The following PLOD2 variants were observed in gnomAD, a reference collection of about 807,000 sequenced individuals.
The protein encoded by PLOD2 is lysine hydroxylase 2.
Under a neutral mutation model 101.0 loss-of-function variants are expected in PLOD2, and 65 were observed. The observed-to-expected ratio is 0.64, with a 90% CI of 0.53 to 0.79. PLOD2 has a LOEUF of 0.79. Among genes scored for constraint, PLOD2 ranks in the 30% least tolerant of loss-of-function variants. The pLI, the probability that PLOD2 is intolerant of heterozygous loss-of-function variation, is 0.00. For missense variants in PLOD2, 909 were observed against 914.6 expected, an observed-to-expected ratio of 0.99 and a Z score of 0.08; for synonymous variants, 314 against 302.9, an observed-to-expected ratio of 1.04 and a Z score of -0.38.
chr3:146,096,697 T>C (rs77025565), intron 7 of PLOD2, among the ~76,000 whole-genome samples: 59,957 of 129,186 alleles, frequency 0.46, 13,885 homozygotes, highest in East Asian at 0.52. Flanking sequence ...GCAACCACCC[T>C]GTCTGGGAAG....
chr3:146,072,695 A>C lies in PLOD2; in HGVS notation c.1744-30T>G, dbSNP rs542996724. On this transcript the variant is annotated intron_variant, in intron 16 of 19. Transcript: ENST00000282903. ...AAAATATGCATCATCGTTAGAAGAC[A>C]TAATAACTTCTGTGTCTTAATAGTC... 4.6e-6 allele frequency: 6 copies of C among 1,311,638 alleles called. No homozygotes were observed. In the Admixed American group the frequency reaches 8.4e-5, roughly 18 times the overall value. 81.2% of individuals were successfully genotyped at this position (1,311,638 alleles called of 1,614,324 possible).
At chr3:146,131,170 A>G (rs1375966382) in intron 1 of PLOD2, among the ~76,000 whole-genome samples, 2 of 152,228 alleles carry the variant, frequency 1.3e-5, no homozygotes, top group Admixed American at 1.3e-4. Context: ...TGGAGAATTA[A>G]GCAGATCTTG....
At chr3:146,142,292 CTTTTT>C (rs2031560663) in intron 1 of PLOD2, among the ~76,000 whole-genome samples, 1 of 151,804 alleles carries the variant, frequency 6.6e-6, no homozygotes. Context: ...GCAGTGTTTT[CTTTTT>C]TAATAGAAAT....
At position 146,156,778 on chromosome 3, in the gene PLOD2, A is replaced by G. The variant is rs141488151; in HGVS notation, c.109+4103T>C. On this transcript the variant is annotated intron_variant, in intron 1 of 19. Coordinates refer to ENST00000282903, the MANE Select transcript of PLOD2 (RefSeq NM_182943.3). ...TTCTGTTTCTTTCTCATAGGTCCCAAAAGTCCAAGAGAACAATTATGAGGT... is the reference window on the plus strand; with the variant it reads ...TTCTGTTTCTTTCTCATAGGTCCCAGAAGTCCAAGAGAACAATTATGAGGT... 5.9e-5 allele frequency among the ~76,000 whole-genome samples: 9 copies of G among 152,374 alleles called. No individual in the cohort carries two copies. In the East Asian group the frequency reaches 1.7e-3, roughly 29 times the overall value.
In PLOD2 at chr3:146,128,464, GAAC is replaced by G. The variant is rs1344025579; in HGVS notation, c.110-4238_110-4236del. 3.3e-5 allele frequency among the ~76,000 whole-genome samples: 5 copies of G among 152,082 alleles called. No individual in the cohort carries two copies. The South Asian group carries it at 8.3e-4, about 25-fold the overall frequency. ...TGCATCTATACAGTGTGGTAGATTT[GAAC>G]AACAACTTACCAAATGAAAATCAGT... On this transcript the variant is annotated intron_variant, in intron 1 of 19. Transcript: ENST00000282903.
chr3:146,096,416 C>T (rs1248637113), intron 7 of PLOD2, among the ~76,000 whole-genome samples: 11 of 104,470 alleles, frequency 1.1e-4, no homozygotes, highest in African/African-American at 4.4e-4. Flanking sequence ...TCTGCCCGGC[C>T]GCCATCCCAT....
chr3:146,153,407 A>T (rs1350159739), intron 1 of PLOD2, among the ~76,000 whole-genome samples: 1 of 152,192 alleles, frequency 6.6e-6, no homozygotes, highest in East Asian at 1.9e-4. Context: ...TAAAAGACCT[A>T]AATGTTACTG....
chr3:146,077,859 C>G lies in PLOD2; in HGVS notation c.1563+3G>C. 3 of 1,543,412 alleles carry G rather than the reference C, an allele frequency of 1.9e-6. No individual in the cohort carries two copies. The Admixed American group carries it at 5.1e-5, about 26-fold the overall frequency. ...AAATAAATAAAATAAGTAAAAATAA[C>G]ACCTTTGGGGGGCTGAGCATTTGGA... On this transcript the variant is annotated splice_donor_region_variant and intron_variant, in intron 14 of 19. Transcript: ENST00000282903.
intron 1 of PLOD2, among the ~76,000 whole-genome samples, chr3:146,158,165 C>A (rs1430344214): frequency 2.0e-5 from 3 of 152,056 alleles, no homozygotes; most frequent in African/African-American, 4.8e-5. Flanking sequence ...CTTATCCCAT[C>A]TAGAAGGCAG....
intron 7 of PLOD2, among the ~76,000 whole-genome samples, chr3:146,097,803 AAATAAT>A (rs372713932): frequency 2.1e-5 from 3 of 142,100 alleles, no homozygotes; most frequent in Admixed American, 7.0e-5. Context: ...AATAAAAAAA[AAATAAT>A]AATAATAATA....
intron 4 of PLOD2, among the ~76,000 whole-genome samples, chr3:146,108,785 A>G (rs992915698): frequency 6.6e-6 from 1 of 152,214 alleles, no homozygotes; most frequent in Non-Finnish European, 1.5e-5. Context: ...ACCTGAGTAC[A>G]TACATCACTA....
At chr3:146,070,940 AT>A (rs1304268020) in intron 19 of PLOD2, 68 bp from the exon 20 acceptor site, 2 of 1,516,214 alleles carry the variant, frequency 1.3e-6, no homozygotes, top group African/African-American at 1.4e-5. Context: ...AAATTATGTC[AT>A]TTGAGCAAAA....
At chr3:146,126,890 T>C (rs1164401938) in intron 1 of PLOD2, among the ~76,000 whole-genome samples, 1 of 151,018 alleles carries the variant, frequency 6.6e-6, no homozygotes, top group Non-Finnish European at 1.5e-5. Context: ...AATGATATCA[T>C]GCCTGCAATC....
At chr3:146,137,869 A>G (rs1337348234) in intron 1 of PLOD2, among the ~76,000 whole-genome samples, 1 of 152,154 alleles carries the variant, frequency 6.6e-6, no homozygotes, top group East Asian at 1.9e-4. Flanking sequence ...TAACAGCCCT[A>G]TGAGGAGGTT....
intron 6 of PLOD2, among the ~76,000 whole-genome samples, chr3:146,103,460 A>T (rs1036272088): frequency 7.1e-6 from 1 of 141,628 alleles, no homozygotes; most frequent in Non-Finnish European, 1.6e-5. Context: ...CATTGTGGGA[A>T]TTTTTTTTTT....
intron 7 of PLOD2, among the ~76,000 whole-genome samples, chr3:146,097,803 A>AAAT (rs372713932): frequency 0.019 from 2,637 of 142,074 alleles, 58 homozygotes; most frequent in African/African-American, 0.044. Context: ...AATAAAAAAA[A>AAAT]AATAATAATA....
intron 5 of PLOD2, chr3:146,105,207 ACTG>A (rs1337586769): frequency 1.3e-5 from 2 of 152,182 alleles, no homozygotes; most frequent in African/African-American, 4.8e-5. Flanking sequence ...TATTTAGACC[ACTG>A]CTATTTTGAG....
chr3:146,077,869 G>A lies in PLOD2; in HGVS notation c.1556C>T (p.Pro519Leu). The change falls in exon 14 of 20, where the codon CCC (proline) becomes CTC (leucine). Residue 519 changes from proline to leucine, a missense_variant. By Grantham distance (98) the Pro-to-Leu change is moderately conservative. Transcript: ENST00000282903. ...PTPETFQMLS[P>L]PKGVFMYISN... is the part of the protein sequence containing the mutation. Reference sequence around the variant, plus strand: ...AATAAGTAAAAATAACACCTTTGGGGGGCTGAGCATTTGGAATGTTTCCGG... The same window carrying A: ...AATAAGTAAAAATAACACCTTTGGGAGGCTGAGCATTTGGAATGTTTCCGG... 6.3e-7 allele frequency: 1 copy of A among 1,581,150 alleles called. No homozygotes were observed. The highest frequency in any genetic ancestry group is 8.7e-7 in the Non-Finnish European group (1 of 1,152,334).
intron 1 of PLOD2, among the ~76,000 whole-genome samples, chr3:146,138,546 A>G (rs1395348175): frequency 6.6e-5 from 10 of 152,092 alleles, no homozygotes; most frequent in Non-Finnish European, 1.5e-4. Flanking sequence ...CAACAAATAC[A>G]GAGAATATGA....
Sources: gnomAD v4.1 joint callset for allele counts (sites outside exome capture counted in the v4.1 genomes callset) on GRCh38, gnomAD v4.1.1 for gene constraint, MANE v1.5 for transcripts, NCBI Gene and HGNC (gene_info 2026-07-23, HGNC 2026-07-21) for gene names.